Variants in ALK observed in about 807,000 individuals in gnomAD.
ALK encodes ALK receptor tyrosine kinase, also known as ALK tyrosine kinase receptor.
ALK carries 74 observed loss-of-function variants against 163.1 expected under a neutral mutation model. The observed-to-expected ratio is 0.45, with a 90% CI of 0.38 to 0.55. The LOEUF (loss-of-function observed/expected upper bound fraction) is 0.55. ALK is among the 20% of genes least tolerant of loss of function. The pLI, the probability that ALK is intolerant of heterozygous loss-of-function variation, is 0.00. For missense variants in ALK, 2,063 were observed against 2,105.3 expected, an observed-to-expected ratio of 0.98 and a Z score of 0.39; for synonymous variants, 960 against 843.2, an observed-to-expected ratio of 1.14 and a Z score of -2.40.
At chr2:29,764,601 C>T (rs1680805240) in intron 1 of ALK, among the ~76,000 whole-genome samples, 1 of 152,162 alleles carries the variant, frequency 6.6e-6, no homozygotes, top group Non-Finnish European at 1.5e-5. Flanking sequence ...ATGGATCTTG[C>T]CTGCTTATGT....
intron 6 of ALK, among the ~76,000 whole-genome samples, chr2:29,324,278 C>T (rs1008444062): frequency 1.3e-5 from 2 of 152,196 alleles, no homozygotes; most frequent in African/African-American, 4.8e-5. Flanking sequence ...GTATAAACTC[C>T]AGGCCAAATG....
chr2:29,552,876 C>A (rs1673752687), intron 3 of ALK, among the ~76,000 whole-genome samples: 1 of 152,168 alleles, frequency 6.6e-6, no homozygotes, highest in Non-Finnish European at 1.5e-5. Flanking sequence ...CCCTCTCCAG[C>A]CTCCCATCCT....
chr2:29,757,593 T>G (rs975450905), intron 1 of ALK, among the ~76,000 whole-genome samples: 15 of 148,326 alleles, frequency 1.0e-4, no homozygotes, highest in African/African-American at 2.7e-4. Flanking sequence ...TTTTGTTTGT[T>G]TGTGTGTGTG....
chr2:29,742,481 T>G (rs1175483080), intron 1 of ALK, among the ~76,000 whole-genome samples: 1 of 152,156 alleles, frequency 6.6e-6, no homozygotes, highest in African/African-American at 2.4e-5. Context: ...TCTGCATTCA[T>G]AATAGAAAGG....
At chr2:29,310,517 A>G (rs1159233262) in intron 8 of ALK, among the ~76,000 whole-genome samples, 1 of 152,238 alleles carries the variant, frequency 6.6e-6, no homozygotes, top group Non-Finnish European at 1.5e-5. Context: ...GCTTTTCAGC[A>G]TAATACAGCC....
In ALK at chr2:29,561,471, C is replaced by G. The variant is rs138575226; in HGVS notation, c.953-29355G>C. Among the ~76,000 whole-genome samples the G allele has an allele frequency of 1.4e-4, 21 of 152,254 alleles. 1 individual carries two copies. Among genetic ancestry groups the G allele is most frequent in the African/African-American group, 4.3e-4 (18 of 41,544 alleles). On this transcript the variant is annotated intron_variant, in intron 3 of 28. Coordinates refer to ENST00000389048, the MANE Select transcript of ALK (RefSeq NM_004304.5). ...GAGGAAGCTGCTGGCCTTTTGCAAG[C>G]TGAGGGACAGGAGCACAAGAGAATA...
chr2:29,256,092 G>C (rs533720193), intron 11 of ALK, among the ~76,000 whole-genome samples: 1 of 152,212 alleles, frequency 6.6e-6, no homozygotes, highest in Non-Finnish European at 1.5e-5. Flanking sequence ...TGAAGTGGAA[G>C]GCAATGGGCA....
At chr2:29,627,806 T>G (rs1028859447) in intron 3 of ALK, among the ~76,000 whole-genome samples, 8 of 152,236 alleles carry the variant, frequency 5.3e-5, no homozygotes, top group African/African-American at 1.7e-4. Context: ...GAAAGTAATT[T>G]ATTCATTACC....
intron 3 of ALK, among the ~76,000 whole-genome samples, chr2:29,674,528 T>A: frequency 6.7e-6 from 1 of 150,004 alleles, no homozygotes; most frequent in East Asian, 2.0e-4. Context: ...ATGAAGACCA[T>A]TTGATCATGG....
At chr2:29,529,146 G>C (rs939057652) in intron 4 of ALK, among the ~76,000 whole-genome samples, 2 of 152,120 alleles carry the variant, frequency 1.3e-5, no homozygotes, top group African/African-American at 4.8e-5. Context: ...ACCCGTGCAC[G>C]ACAGCCGGCA....
chr2:29,805,059 T>C (rs1664572277), intron 1 of ALK, among the ~76,000 whole-genome samples: 1 of 152,172 alleles, frequency 6.6e-6, no homozygotes, highest in Non-Finnish European at 1.5e-5. Context: ...TCAGCCTCTT[T>C]TTCAGCCTCT....
chr2:29,801,508 C>T (rs997239459), intron 1 of ALK, among the ~76,000 whole-genome samples: 1 of 152,232 alleles, frequency 6.6e-6, no homozygotes, highest in African/African-American at 2.4e-5. Context: ...CTGCATCGTG[C>T]ATTCTGTATG....
At position 29,528,945 on chromosome 2, in the gene ALK, C is replaced by T. The variant is rs536348368; in HGVS notation, c.1154+2970G>A. ...CAGGCTGGGCACTCATCTGTCTGTC[C>T]CCTGCGAGACTCCAGCCAAAGCCCG... On this transcript the variant is annotated intron_variant, in intron 4 of 28. Coordinates refer to ENST00000389048, the MANE Select transcript of ALK (RefSeq NM_004304.5). Among the ~76,000 whole-genome samples, 70 of 152,254 alleles carry T rather than the reference C, an allele frequency of 4.6e-4. 1 individual carries two copies. The highest frequency in any genetic ancestry group is 1.7e-3 in the African/African-American group (69 of 41,542).
rs559382239 is a variant in ALK, at chr2:29,821,171, T to C, written c.667+98822A>G. 6.4e-4 allele frequency among the ~76,000 whole-genome samples: 97 copies of C among 152,278 alleles called. 1 individual carries two copies. Among genetic ancestry groups the C allele is most frequent in the African/African-American group, 2.2e-3 (91 of 41,550 alleles). On this transcript the variant is annotated intron_variant, in intron 1 of 28. Coordinates refer to ENST00000389048, the MANE Select transcript of ALK (RefSeq NM_004304.5). ...CCACCTTCTGTTTTCCCACCCACTG[T>C]TGCCAGAGGAAGAAGAGGAAGGTTG...
At position 29,716,384 on chromosome 2, in the gene ALK, T is replaced by C. The variant is rs538528183; in HGVS notation, c.787+1194A>G. 3.9e-5 allele frequency among the ~76,000 whole-genome samples: 6 copies of C among 152,344 alleles called. No individual in the cohort carries two copies. The East Asian group carries it at 9.6e-4, about 24-fold the overall frequency. On this transcript the variant is annotated intron_variant, in intron 2 of 28. Coordinates refer to ENST00000389048, the MANE Select transcript of ALK (RefSeq NM_004304.5). The stretch of plus-strand genomic sequence containing the variant: ...GAATAAAGTGGAAAGCAAAGCTTAG[T>C]GTCTGTCCTTATGGTGTTCACCCTA...
At chr2:29,686,026 G>T (rs1355914733) in intron 3 of ALK, among the ~76,000 whole-genome samples, 2 of 151,984 alleles carry the variant, frequency 1.3e-5, no homozygotes, top group African/African-American at 2.4e-5. Flanking sequence ...CCCTTTTAAG[G>T]TCCCCTGTGA....
At chr2:29,425,258 C>T in intron 4 of ALK, among the ~76,000 whole-genome samples, 1 of 152,154 alleles carries the variant, frequency 6.6e-6, no homozygotes, top group East Asian at 1.9e-4. Flanking sequence ...CCCCTCCCGG[C>T]TCAATATAAT....
intron 4 of ALK, among the ~76,000 whole-genome samples, chr2:29,482,381 G>A (rs942003821): frequency 2.0e-5 from 3 of 152,172 alleles, no homozygotes; most frequent in African/African-American, 4.8e-5. Flanking sequence ...TGGAGTGAGG[G>A]CATAAATCCC....
intron 2 of ALK, among the ~76,000 whole-genome samples, chr2:29,708,533 C>T (rs1678979958): frequency 6.6e-6 from 1 of 152,172 alleles, no homozygotes; most frequent in African/African-American, 2.4e-5. Flanking sequence ...TCATCTACAC[C>T]AGGAAGGCCC....
Sources: allele counts gnomAD v4.1 joint callset (sites outside exome capture counted in the v4.1 genomes callset), GRCh38; gene constraint gnomAD v4.1.1; transcripts MANE v1.5; gene names NCBI Gene and HGNC (gene_info 2026-07-23, HGNC 2026-07-21).